The following DPYD variants were observed in gnomAD, a reference collection of about 807,000 sequenced individuals.
DPYD encodes the protein dihydropyrimidine dehydrogenase, also known as dihydropyrimidine dehydrogenase [NADP(+)].
Under a neutral mutation model 116.2 loss-of-function variants are expected in DPYD, and 109 were observed. That is an observed-to-expected ratio of 0.94 (90% CI 0.80 to 1.10). The LOEUF (loss-of-function observed/expected upper bound fraction) is 1.10, where lower values mean the gene tolerates loss of function less well. DPYD is among the 50% of genes least tolerant of loss of function. The pLI is 0.00. For missense variants in DPYD, 1,302 were observed against 1,254.5 expected (o/e 1.04, Z -0.57); for synonymous variants, 440 against 432.0 (o/e 1.02, Z -0.23).
intron 14 of DPYD, among the ~76,000 whole-genome samples, chr1:97,441,140 C>G (rs1675773978): frequency 6.6e-6 from 1 of 151,980 alleles, no homozygotes; most frequent in African/African-American, 2.4e-5. Context: ...TTTGATTAAT[C>G]TGATTACATT....
At chr1:97,284,426 T>G (rs1406960393) in intron 18 of DPYD, among the ~76,000 whole-genome samples, 1 of 152,120 alleles carries the variant, frequency 6.6e-6, no homozygotes, top group Non-Finnish European at 1.5e-5. Flanking sequence ...AATTAAGCTT[T>G]TTCATATTGG....
At chr1:97,130,887 T>TTCC (rs1653282971) in intron 20 of DPYD, among the ~76,000 whole-genome samples, 1 of 111,374 alleles carries the variant, frequency 9.0e-6, no homozygotes. Context: ...TCCTTCCTTC[T>TTCC]TTCCTCCCTC....
At chr1:97,659,011 ACTT>A (rs1347866514) in intron 8 of DPYD, among the ~76,000 whole-genome samples, 9 of 151,990 alleles carry the variant, frequency 5.9e-5, no homozygotes, top group Non-Finnish European at 1.5e-5. Context: ...TAAAGACACC[ACTT>A]CTTCTAGGAA....
intron 14 of DPYD, among the ~76,000 whole-genome samples, chr1:97,423,462 A>G (rs1674692911): frequency 6.6e-6 from 1 of 152,096 alleles, no homozygotes. Context: ...GTACAAAATG[A>G]CATTGCTTCC....
chr1:97,412,421 C>T (rs982906598), intron 14 of DPYD, among the ~76,000 whole-genome samples: 7 of 152,252 alleles, frequency 4.6e-5, no homozygotes, highest in African/African-American at 1.7e-4. Flanking sequence ...TCTCCCTTCT[C>T]CCACACATAA....
intron 12 of DPYD, among the ~76,000 whole-genome samples, chr1:97,524,029 A>G (rs201199707): frequency 6.6e-6 from 1 of 151,558 alleles, no homozygotes; most frequent in Non-Finnish European, 1.5e-5. Flanking sequence ...CTAAAAAAAA[A>G]AAGTCTAGTA....
At chr1:97,553,951 G>A (rs1651504601) in intron 11 of DPYD, among the ~76,000 whole-genome samples, 1 of 151,458 alleles carries the variant, frequency 6.6e-6, no homozygotes. Context: ...CAAGATTTAT[G>A]TTAATTTTCT....
intron 18 of DPYD, among the ~76,000 whole-genome samples, chr1:97,262,053 C>T (rs1410330832): frequency 1.3e-5 from 2 of 151,848 alleles, no homozygotes; most frequent in East Asian, 3.9e-4. Context: ...GGGAGCACTC[C>T]TAGACCATCC....
intron 7 of DPYD, among the ~76,000 whole-genome samples, chr1:97,686,210 C>A (rs571944816): frequency 1.3e-5 from 2 of 152,168 alleles, no homozygotes; most frequent in African/African-American, 4.8e-5. Flanking sequence ...ACAAACCTGA[C>A]AAAAACAAGC....
chr1:97,267,622 G>A (rs1042508687), intron 18 of DPYD, among the ~76,000 whole-genome samples: 1 of 151,926 alleles, frequency 6.6e-6, no homozygotes, highest in Admixed American at 6.6e-5. Flanking sequence ...CCATTCATGA[G>A]GGTGGAGCTT....
Position 97,509,078 on chromosome 1 carries a change from CTGAT to C in DPYD, c.1740+6644_1740+6647del, listed in dbSNP as rs1444885641. Among the ~76,000 whole-genome samples, 6 of 152,072 alleles carry C rather than the reference CTGAT, an allele frequency of 3.9e-5. No individual in the cohort carries two copies. The East Asian group carries it at 1.2e-3, about 30-fold the overall frequency. ...AGCCAGCCACCAAACAGTCTGTCAA[CTGAT>C]TGCAAATCCATGAGTGAGAAGAACT... On this transcript the variant is annotated intron_variant, in intron 13 of 22. Coordinates refer to ENST00000370192, the MANE Select transcript of DPYD (RefSeq NM_000110.4).
intron 2 of DPYD, among the ~76,000 whole-genome samples, chr1:97,862,076 C>T (rs1234018538): frequency 6.6e-6 from 1 of 151,674 alleles, no homozygotes; most frequent in East Asian, 1.9e-4. Context: ...TTAGAACAAT[C>T]TCAGTTTAAA....
intron 13 of DPYD, among the ~76,000 whole-genome samples, chr1:97,492,987 C>T (rs952309480): frequency 6.6e-6 from 1 of 152,090 alleles, no homozygotes; most frequent in African/African-American, 2.4e-5. Flanking sequence ...AGCACTAAGC[C>T]GAAGAGATGC....
At chr1:97,663,202 A>G (rs1290676664) in intron 8 of DPYD, among the ~76,000 whole-genome samples, 2 of 152,208 alleles carry the variant, frequency 1.3e-5, no homozygotes, top group Non-Finnish European at 2.9e-5. Context: ...CTAATCAGGT[A>G]CACCTAAGAG....
chr1:97,896,512 T>A (rs1324401205), intron 1 of DPYD, among the ~76,000 whole-genome samples: 1 of 151,856 alleles, frequency 6.6e-6, no homozygotes, highest in East Asian at 1.9e-4. Context: ...TTTTTCTTCA[T>A]AGGTAAAGTA....
At chr1:97,260,370 A>G (rs909409532) in intron 18 of DPYD, among the ~76,000 whole-genome samples, 4 of 152,100 alleles carry the variant, frequency 2.6e-5, no homozygotes, top group African/African-American at 9.7e-5. Context: ...CTTATATGAT[A>G]GTATTCTGTA....
At chr1:97,335,331 CA>C (rs1669230857) in intron 16 of DPYD, among the ~76,000 whole-genome samples, 1 of 150,434 alleles carries the variant, frequency 6.6e-6, no homozygotes, top group South Asian at 2.1e-4. Flanking sequence ...CACACACACA[CA>C]CACACACACA....
chr1:97,334,405 C>T (rs751331951), intron 16 of DPYD, among the ~76,000 whole-genome samples: 26 of 152,088 alleles, frequency 1.7e-4, no homozygotes, highest in Non-Finnish European at 3.2e-4. Flanking sequence ...AAGTTATAAC[C>T]CCTGCTCTTG....
intron 16 of DPYD, among the ~76,000 whole-genome samples, chr1:97,311,504 A>G (rs1231575498): frequency 6.6e-6 from 1 of 151,684 alleles, no homozygotes; most frequent in Non-Finnish European, 1.5e-5. Flanking sequence ...TATCTACCAG[A>G]TTGGGGGGTT....
Sources: allele counts gnomAD v4.1 joint callset (sites outside exome capture counted in the v4.1 genomes callset), GRCh38; gene constraint gnomAD v4.1.1; transcripts MANE v1.5; gene names NCBI Gene and HGNC (gene_info 2026-07-23, HGNC 2026-07-21).